Variants in MGAT5 observed in about 807,000 individuals in gnomAD.
MGAT5 encodes alpha-1,6-mannosylglycoprotein 6-beta-N-acetylglucosaminyltransferase A.
In MGAT5, 30 loss-of-function variants were observed where a neutral mutation model predicts 94.3. That is an observed-to-expected ratio of 0.32 (90% CI 0.24 to 0.43). MGAT5 has a LOEUF of 0.43. Ranked by LOEUF, MGAT5 falls within the 20% of genes least tolerant of loss-of-function variation. MGAT5 has a pLI of 1.00. For missense variants in MGAT5, 691 were observed against 905.5 expected, an observed-to-expected ratio of 0.76 and a Z score of 3.04; for synonymous variants, 310 against 322.9, an observed-to-expected ratio of 0.96 and a Z score of 0.43.
chr2:134,146,394 C>A (rs1376597362), intron 1 of MGAT5, among the ~76,000 whole-genome samples: 2 of 150,992 alleles, frequency 1.3e-5, no homozygotes, highest in Non-Finnish European at 3.0e-5. Flanking sequence ...CTCGTCTCTA[C>A]AAAAAAAATA....
chr2:134,444,354 G>A (rs540725559), intron 15 of MGAT5, among the ~76,000 whole-genome samples: 1 of 152,270 alleles, frequency 6.6e-6, no homozygotes, highest in East Asian at 1.9e-4. Context: ...TGGGATCGCT[G>A]GACCCCACCC....
chr2:134,386,925 GT>G (rs1301144153), intron 10 of MGAT5, among the ~76,000 whole-genome samples: 2 of 152,022 alleles, frequency 1.3e-5, no homozygotes, highest in Non-Finnish European at 2.9e-5. Context: ...ATAACAAAAT[GT>G]TAACACACTA....
At chr2:134,145,515 C>T (rs1409151468) in intron 1 of MGAT5, among the ~76,000 whole-genome samples, 4 of 152,198 alleles carry the variant, frequency 2.6e-5, no homozygotes, top group Non-Finnish European at 5.9e-5. Context: ...CACTGCACTC[C>T]AGCCTGGGCG....
At chr2:134,177,396 G>A (rs1688529986) in intron 1 of MGAT5, among the ~76,000 whole-genome samples, 1 of 152,074 alleles carries the variant, frequency 6.6e-6, no homozygotes, top group Admixed American at 6.5e-5. Flanking sequence ...CAGCATGGAG[G>A]TTTTTAGGGC....
Position 134,353,470 on chromosome 2 carries a change from C to T in MGAT5, c.1246+3532C>T, listed in dbSNP as rs376861023. Among the ~76,000 whole-genome samples the T allele has an allele frequency of 9.9e-5, 15 of 152,278 alleles. No homozygotes were observed. In the East Asian group the frequency reaches 1.3e-3, roughly 14 times the overall value. ...AAAGATTCTAGATTCCGGAATGATACACCAACCAAGAAAACTCCACAAAGT... is the reference window on the plus strand; with the variant it reads ...AAAGATTCTAGATTCCGGAATGATATACCAACCAAGAAAACTCCACAAAGT... On this transcript the variant is annotated intron_variant, in intron 9 of 15. Transcript: ENST00000281923.
At chr2:134,283,366 T>A (rs1342582402) in intron 2 of MGAT5, among the ~76,000 whole-genome samples, 14 of 152,128 alleles carry the variant, frequency 9.2e-5, no homozygotes, top group Admixed American at 3.9e-4. Flanking sequence ...TGGCAAATGG[T>A]TTTAAGAGGG....
At chr2:134,137,378 G>A (rs73005568) in intron 1 of MGAT5, among the ~76,000 whole-genome samples, 2,274 of 152,302 alleles carry the variant, frequency 0.015, 75 homozygotes, top group African/African-American at 0.053. Context: ...CCCAGAGGGT[G>A]CTCTGCCGCT....
chr2:134,155,058 C>T (rs1349982388), intron 1 of MGAT5, among the ~76,000 whole-genome samples: 1 of 152,218 alleles, frequency 6.6e-6, no homozygotes, highest in Non-Finnish European at 1.5e-5. Context: ...CTCCTGGGCG[C>T]TTATTCACAT....
intron 3 of MGAT5, among the ~76,000 whole-genome samples, chr2:134,318,086 A>G (rs1340730598): frequency 1.3e-5 from 2 of 152,046 alleles, no homozygotes; most frequent in African/African-American, 4.8e-5. Context: ...TTTTTTTTCC[A>G]GAAATCCTAT....
At chr2:134,273,744 T>G (rs1684177482) in intron 2 of MGAT5, among the ~76,000 whole-genome samples, 1 of 152,130 alleles carries the variant, frequency 6.6e-6, no homozygotes, top group Non-Finnish European at 1.5e-5. Flanking sequence ...TTTTTTAATG[T>G]GAAAGTAAAT....
intron 1 of MGAT5, among the ~76,000 whole-genome samples, chr2:134,218,387 A>G (rs937478072): frequency 6.6e-6 from 1 of 152,232 alleles, no homozygotes; most frequent in African/African-American, 2.4e-5. Flanking sequence ...TAAAACAGTA[A>G]GCCTTCATTG....
chr2:134,205,383 T>C (rs982161935), intron 1 of MGAT5, among the ~76,000 whole-genome samples: 1 of 151,658 alleles, frequency 6.6e-6, no homozygotes, highest in Non-Finnish European at 1.5e-5. Flanking sequence ...ATAGTGGAGA[T>C]AGTGAAAATA....
chr2:134,436,482 C>T (rs1387654829), intron 14 of MGAT5, among the ~76,000 whole-genome samples: 1 of 152,170 alleles, frequency 6.6e-6, no homozygotes, highest in Non-Finnish European at 1.5e-5. Context: ...GAACTAAGCA[C>T]ACCTGTTGAG....
intron 10 of MGAT5, among the ~76,000 whole-genome samples, chr2:134,379,313 A>G (rs2106192633): frequency 6.6e-6 from 1 of 152,334 alleles, no homozygotes; most frequent in South Asian, 2.1e-4. Flanking sequence ...AAGATCAAAT[A>G]TTCCTTTCCA....
At chr2:134,317,175 AGG>A (rs1332113456) in intron 2 of MGAT5, among the ~76,000 whole-genome samples, 1 of 152,120 alleles carries the variant, frequency 6.6e-6, no homozygotes, top group East Asian at 1.9e-4. Flanking sequence ...CCAGTGCTGG[AGG>A]ACCCTCCTAA....
chr2:134,261,704 C>T (rs1371875447), intron 1 of MGAT5, among the ~76,000 whole-genome samples: 1 of 152,198 alleles, frequency 6.6e-6, no homozygotes, highest in Non-Finnish European at 1.5e-5. Context: ...GTCTCTCCCA[C>T]TTACAATGTA....
Position 134,145,214 on chromosome 2 carries a change from CTG to C in MGAT5, c.-143+24953_-143+24954del, listed in dbSNP as rs59065013. On this transcript the variant is annotated intron_variant, in intron 1 of 16. Transcript: ENST00000409645. The stretch of plus-strand genomic sequence containing the variant: ...GTAAGGTGTGTGTGTGTCTCTCTCT[CTG>C]TGTGTGTGTGTGTGTGTGTGTGTGT... Among the ~76,000 whole-genome samples the C allele has an allele frequency of 2.0e-3, 286 of 143,766 alleles. 1 individual carries two copies. Among genetic ancestry groups the C allele is most frequent in the South Asian group, 4.6e-3 (21 of 4,524 alleles). 94.3% of individuals were successfully genotyped at this position (143,766 alleles called of 152,430 possible).
intron 2 of MGAT5, among the ~76,000 whole-genome samples, chr2:134,272,892 G>C (rs1019121792): frequency 3.9e-5 from 6 of 152,164 alleles, no homozygotes; most frequent in African/African-American, 1.4e-4. Flanking sequence ...TTCTTACCTA[G>C]AAGAGAGCTG....
intron 10 of MGAT5, among the ~76,000 whole-genome samples, chr2:134,392,451 C>T (rs975536648): frequency 6.6e-6 from 1 of 152,132 alleles, no homozygotes; most frequent in Admixed American, 6.5e-5. Context: ...TTAAAGGGAC[C>T]TTACGCTGCT....
Sources: allele counts gnomAD v4.1 joint callset (sites outside exome capture counted in the v4.1 genomes callset), GRCh38; gene constraint gnomAD v4.1.1; transcripts MANE v1.5; gene names NCBI Gene and HGNC (gene_info 2026-07-23, HGNC 2026-07-21).